The following EML6 variants were observed in gnomAD, a reference collection of about 807,000 sequenced individuals.
EML6 encodes the protein echinoderm microtubule-associated protein-like 6.
A neutral mutation model predicts 240.1 loss-of-function variants in EML6; 154 were observed. That is an observed-to-expected ratio of 0.64 (90% CI 0.56 to 0.73). EML6 has a LOEUF of 0.73. EML6 is among the 30% of genes least tolerant of loss of function. The pLI, the probability that EML6 is intolerant of heterozygous loss-of-function variation, is 0.00. For missense variants in EML6, 2,964 were observed against 2,474.6 expected (o/e 1.20, Z -4.20); for synonymous variants, 1,148 against 899.0 (o/e 1.28, Z -4.95).
chr2:54,904,649 A>AG (rs1301363322), intron 24 of EML6, among the ~76,000 whole-genome samples: 6 of 152,150 alleles, frequency 3.9e-5, no homozygotes, highest in African/African-American at 1.4e-4. Flanking sequence ...GAGGGTGTGA[A>AG]GGGAGGGGAA....
Position 54,899,659 on chromosome 2 carries a change from G to C in EML6, c.3001G>C (p.Val1001Leu). The C allele has an allele frequency of 1.3e-6, 2 of 1,553,850 alleles. No individual in the cohort carries two copies. The highest frequency in any genetic ancestry group is 1.7e-6 in the Non-Finnish European group (2 of 1,148,138). ...LLVQGHMEGEVWGLAAHPLLP... is the reference protein window; with the variant it reads ...LLVQGHMEGELWGLAAHPLLP... Reference sequence around the variant, plus strand: ...CCCACAGGGGCACATGGAAGGAGAAGTGTGGGGGTTGGCAGCTCACCCTCT... The same window carrying C: ...CCCACAGGGGCACATGGAAGGAGAACTGTGGGGGTTGGCAGCTCACCCTCT... The change falls in exon 22 of 42, where the codon GTG becomes CTG. Residue 1001 changes from valine to leucine, a missense_variant. By Grantham distance (32) the Val-to-Leu change is conservative (BLOSUM62 1). Transcript: ENST00000356458.
At chr2:54,786,578 A>G (rs1669103235) in intron 2 of EML6, among the ~76,000 whole-genome samples, 1 of 152,194 alleles carries the variant, frequency 6.6e-6, no homozygotes, top group African/African-American at 2.4e-5. Flanking sequence ...ACATAGCGGT[A>G]TAGGGAGGTG....
intron 6 of EML6, among the ~76,000 whole-genome samples, chr2:54,828,924 G>T (rs2104176116): frequency 6.6e-6 from 1 of 152,264 alleles, no homozygotes; most frequent in Non-Finnish European, 1.5e-5. Context: ...GCACTTTTGT[G>T]CCTATGAAAC....
chr2:54,789,683 T>G (rs1484175989), intron 2 of EML6, among the ~76,000 whole-genome samples: 1 of 152,168 alleles, frequency 6.6e-6, no homozygotes, highest in Non-Finnish European at 1.5e-5. Flanking sequence ...CTTTACAAAC[T>G]CTACCTTATT....
chr2:54,947,501 A>G (rs1438746250), intron 28 of EML6, among the ~76,000 whole-genome samples: 5 of 152,120 alleles, frequency 3.3e-5, no homozygotes, highest in Non-Finnish European at 7.4e-5. Flanking sequence ...CCTGCACACA[A>G]AAAGAACCCC....
chr2:54,789,833 C>G (rs1196457357), intron 2 of EML6, among the ~76,000 whole-genome samples: 3 of 152,160 alleles, frequency 2.0e-5, no homozygotes, highest in Non-Finnish European at 4.4e-5. Context: ...ATGCTGCTTT[C>G]CTTACCAGGG....
intron 38 of EML6, 199 bp from the exon 39 acceptor site, chr2:54,966,801 A>AT: frequency 2.4e-6 from 1 of 415,496 alleles, no homozygotes; most frequent in Non-Finnish European, 4.4e-6. Flanking sequence ...GAGAAAATGG[A>AT]TGAGAAGAAA....
At chr2:54,737,989 C>T (rs532557023) in intron 2 of EML6, among the ~76,000 whole-genome samples, 1 of 152,304 alleles carries the variant, frequency 6.6e-6, no homozygotes, top group South Asian at 2.1e-4. Flanking sequence ...GGATCCTTGT[C>T]CCCTCAGACA....
intron 11 of EML6, among the ~76,000 whole-genome samples, chr2:54,856,439 A>G (rs1469885446): frequency 6.6e-6 from 1 of 152,222 alleles, no homozygotes; most frequent in Non-Finnish European, 1.5e-5. Flanking sequence ...AAAAGTATCC[A>G]TGTCCTGATA....
intron 6 of EML6, among the ~76,000 whole-genome samples, chr2:54,829,069 T>A (rs531818085): frequency 6.6e-6 from 1 of 152,344 alleles, no homozygotes; most frequent in South Asian, 2.1e-4. Flanking sequence ...TCTGCATTAA[T>A]TATATTTTTG....
At chr2:54,833,170 T>C (rs1257045845) in intron 7 of EML6, among the ~76,000 whole-genome samples, 1 of 152,206 alleles carries the variant, frequency 6.6e-6, no homozygotes, top group African/African-American at 2.4e-5. Flanking sequence ...AATTAAGAAA[T>C]TGCTGCTTAC....
intron 2 of EML6, among the ~76,000 whole-genome samples, chr2:54,800,435 A>G (rs1451225664): frequency 2.0e-5 from 3 of 152,136 alleles, no homozygotes; most frequent in African/African-American, 7.2e-5. Context: ...ATATGTATAT[A>G]TATTTTGGGG....
At chr2:54,806,450 T>C (rs1670484910) in intron 2 of EML6, among the ~76,000 whole-genome samples, 2 of 151,524 alleles carry the variant, frequency 1.3e-5, no homozygotes, top group South Asian at 2.1e-4. Flanking sequence ...CTGTCTCTAC[T>C]AAAAATATAG....
chr2:54,942,950 C>G (rs1358483824), intron 28 of EML6, among the ~76,000 whole-genome samples: 2 of 152,188 alleles, frequency 1.3e-5, no homozygotes, highest in Non-Finnish European at 2.9e-5. Context: ...CCCTTCTCCC[C>G]TACATTCCTC....
intron 2 of EML6, among the ~76,000 whole-genome samples, chr2:54,750,577 C>T (rs953878611): frequency 2.0e-5 from 3 of 152,202 alleles, no homozygotes; most frequent in Non-Finnish European, 4.4e-5. Flanking sequence ...GTATCTTAGA[C>T]TCTCCCTTTC....
In EML6 at chr2:54,725,109, G is replaced by T; in HGVS notation, c.48G>T (p.Val16=). ...GCTGCCAGCTCCGGCTGGAGTGGGT[G>T]TACGGGTACCGGGGTCACCAGTGCC... ...APRCQLRLEW[V]YGYRGHQCRN... is the part of the protein sequence containing the mutation. The change falls in exon 2 of 42, where the codon GTG becomes GTT. Residue 16 remains valine (V), a synonymous_variant. Coordinates refer to ENST00000356458, the MANE Select transcript of EML6 (RefSeq NM_001039753.4). The surrounding 1 kb of genome is among the most constrained non-coding windows in gnomAD (Gnocchi z 4.3). The T allele has an allele frequency of 6.5e-7, 1 of 1,539,300 alleles. No individual in the cohort carries two copies. The highest frequency in any genetic ancestry group is 8.8e-7 in the Non-Finnish European group (1 of 1,141,732).
chr2:54,728,563 G>A (rs1393020277), intron 2 of EML6, among the ~76,000 whole-genome samples: 1 of 152,190 alleles, frequency 6.6e-6, no homozygotes, highest in African/African-American at 2.4e-5. Flanking sequence ...GGGTATCTGG[G>A]TGAGTGGCAT....
At chr2:54,823,938 C>T (rs1475125519) in intron 5 of EML6, among the ~76,000 whole-genome samples, 1 of 146,646 alleles carries the variant, frequency 6.8e-6, no homozygotes, top group Non-Finnish European at 1.5e-5. Flanking sequence ...AAGATAATTA[C>T]ATTAAAGAGT....
At chr2:54,760,859 T>A (rs2103756482) in intron 2 of EML6, among the ~76,000 whole-genome samples, 1 of 140,114 alleles carries the variant, frequency 7.1e-6, no homozygotes, top group East Asian at 2.0e-4. Flanking sequence ...AGAAAAAGAA[T>A]CTGGGACAGA....
Sources: allele counts gnomAD v4.1 joint callset (sites outside exome capture counted in the v4.1 genomes callset), GRCh38; gene constraint gnomAD v4.1.1; non-coding constraint Gnocchi (gnomAD v3.1); transcripts MANE v1.5; gene names NCBI Gene and HGNC (gene_info 2026-07-23, HGNC 2026-07-21).